The following GREB1L variants were observed in gnomAD, a reference collection of about 807,000 sequenced individuals.
The protein encoded by GREB1L is GREB1-like protein.
Under a neutral mutation model 200.8 loss-of-function variants are expected in GREB1L, and 17 were observed. The observed-to-expected ratio is 0.08, with a 90% CI of 0.06 to 0.13. The LOEUF (loss-of-function observed/expected upper bound fraction) is 0.13, where lower values mean the gene tolerates loss of function less well. Ranked by LOEUF, GREB1L falls within the 10% of genes least tolerant of loss-of-function variation. The probability of loss-of-function intolerance (pLI) is 1.00; values close to 1 mark genes in which losing one functional copy is unlikely to be tolerated. For synonymous variants in GREB1L, 789 were observed against 893.0 expected (o/e 0.88, Z 2.08); for missense variants, 1,657 against 2,367.7 (o/e 0.70, Z 6.23).
intron 17 of GREB1L, among the ~76,000 whole-genome samples, chr18:21,477,694 G>A (rs2035758290): frequency 6.6e-6 from 1 of 151,730 alleles, no homozygotes; most frequent in African/African-American, 2.4e-5. Flanking sequence ...GCTGAGGCAG[G>A]AGAATCACTT....
intron 15 of GREB1L, among the ~76,000 whole-genome samples, chr18:21,458,759 G>A (rs2050274153): frequency 1.3e-5 from 2 of 152,196 alleles, no homozygotes; most frequent in South Asian, 2.1e-4. Context: ...TTAAGTTTGC[G>A]TAACGTAGAC....
intron 1 of GREB1L, among the ~76,000 whole-genome samples, chr18:21,359,455 A>T (rs151035679): frequency 1.1e-3 from 166 of 152,352 alleles, no homozygotes; most frequent in African/African-American, 2.2e-3. Flanking sequence ...ATCTCAAAAA[A>T]AAATAAATAA....
chr18:21,522,908 C>A lies in GREB1L; in HGVS notation c.*87C>A, dbSNP rs1284598618. The A allele has an allele frequency of 2.4e-6, 3 of 1,234,600 alleles. No homozygotes were observed. Among genetic ancestry groups the A allele is most frequent in the Non-Finnish European group, 3.3e-6 (3 of 904,626 alleles). The allele number at this position is 1,234,600 out of a possible 1,614,324, so 76.5% of individuals were successfully genotyped here. ...GGATTTTTCTTTTTCCTTTAAAGTA[C>A]AATCACTGTGGAGCAAAGTGCAACA... On this transcript the variant is annotated 3_prime_UTR_variant, in exon 33 of 33. Transcript: ENST00000424526.
intron 1 of GREB1L, among the ~76,000 whole-genome samples, chr18:21,342,415 T>C (rs1277651320): frequency 6.6e-6 from 1 of 152,208 alleles, no homozygotes; most frequent in East Asian, 1.9e-4. Context: ...AAGCACCTGA[T>C]GATCTAATGA....
chr18:21,243,148 C>T (rs1484049410), intron 1 of GREB1L, among the ~76,000 whole-genome samples: 1 of 152,054 alleles, frequency 6.6e-6, no homozygotes, highest in African/African-American at 2.4e-5. Flanking sequence ...GTGAGGTGCG[C>T]CCTGGCCGGG....
intron 1 of GREB1L, among the ~76,000 whole-genome samples, chr18:21,287,940 A>G (rs944840793): frequency 6.6e-6 from 1 of 151,704 alleles, no homozygotes; most frequent in Non-Finnish European, 1.5e-5. Context: ...GATTACAGGC[A>G]TACCCTGTAA....
At chr18:21,374,605 A>G (rs564397625) in intron 2 of GREB1L, among the ~76,000 whole-genome samples, 1 of 152,310 alleles carries the variant, frequency 6.6e-6, no homozygotes, top group African/African-American at 2.4e-5. Flanking sequence ...CTTTGCTGTT[A>G]AAATCACACA....
chr18:21,479,320 A>G (rs530289199), intron 17 of GREB1L, among the ~76,000 whole-genome samples: 1 of 152,366 alleles, frequency 6.6e-6, no homozygotes. Flanking sequence ...AGAAGGACCA[A>G]TAGCCTCTGC....
intron 25 of GREB1L, among the ~76,000 whole-genome samples, chr18:21,506,470 G>A (rs993386224): frequency 6.6e-6 from 1 of 152,170 alleles, no homozygotes; most frequent in Non-Finnish European, 1.5e-5. Flanking sequence ...GGAGGGAGAG[G>A]AGGCAGCTTA....
At chr18:21,472,728 T>C (rs1598894499) in intron 15 of GREB1L, among the ~76,000 whole-genome samples, 1 of 152,200 alleles carries the variant, frequency 6.6e-6, no homozygotes, top group Non-Finnish European at 1.5e-5. Flanking sequence ...GCATGTTATA[T>C]ACAAATAGAA....
Position 21,358,238 on chromosome 18 carries a change from T to C in GREB1L, c.-119-7789T>C, listed in dbSNP as rs1185926575. Among the ~76,000 whole-genome samples, 4 of 152,308 alleles carry C rather than the reference T, an allele frequency of 2.6e-5. No individual in the cohort carries two copies. In the South Asian group the frequency reaches 8.3e-4, roughly 32 times the overall value. On this transcript the variant is annotated intron_variant, in intron 1 of 32. Coordinates refer to ENST00000424526, the MANE Select transcript of GREB1L (RefSeq NM_001142966.3). ...ATAAATAAGATTTTTTTCCATTTCT[T>C]TTTTGGATAATTTGTGGTTAGCATA... is the stretch of plus-strand genomic sequence containing the variant.
intron 1 of GREB1L, among the ~76,000 whole-genome samples, chr18:21,282,838 T>A (rs1347825416): frequency 6.6e-6 from 1 of 152,210 alleles, no homozygotes; most frequent in Non-Finnish European, 1.5e-5. Flanking sequence ...GACCTTATGA[T>A]CCTCCTGCCT....
At chr18:21,326,258 A>G (rs933524897) in intron 1 of GREB1L, among the ~76,000 whole-genome samples, 10 of 152,228 alleles carry the variant, frequency 6.6e-5, no homozygotes, top group African/African-American at 1.9e-4. Context: ...CAAAAACAAA[A>G]AAAAAGTTCA....
intron 3 of GREB1L, 64 bp downstream of exon 3, chr18:21,383,739 GTC>G: frequency 6.8e-7 from 1 of 1,468,256 alleles, no homozygotes; most frequent in Non-Finnish European, 9.3e-7. Flanking sequence ...TTGAGATGGA[GTC>G]TCCGTCTGTT....
chr18:21,435,825 G>A (rs1462428319), intron 7 of GREB1L, among the ~76,000 whole-genome samples: 4 of 152,132 alleles, frequency 2.6e-5, no homozygotes, highest in Admixed American at 6.5e-5. Context: ...CAGAGGAATG[G>A]CATGGTTTGA....
intron 1 of GREB1L, among the ~76,000 whole-genome samples, chr18:21,350,461 A>T (rs1443809926): frequency 1.3e-5 from 2 of 150,962 alleles, no homozygotes; most frequent in Non-Finnish European, 3.0e-5. Context: ...CGTGTCTTGA[A>T]CTCCTGACCT....
intron 1 of GREB1L, among the ~76,000 whole-genome samples, chr18:21,297,982 G>A (rs1293710293): frequency 1.3e-5 from 2 of 152,016 alleles, no homozygotes; most frequent in Admixed American, 1.3e-4. Context: ...TTTGGTGACT[G>A]GGCAGTGAGG....
chr18:21,402,591 G>A (rs1373388524), intron 6 of GREB1L, among the ~76,000 whole-genome samples: 1 of 150,892 alleles, frequency 6.6e-6, no homozygotes, highest in African/African-American at 2.4e-5. Context: ...GGACTGCAGT[G>A]GCTCACTGCA....
rs191620452 is a variant in GREB1L, at chr18:21,353,747, C to A, written c.-119-12280C>A. Among the ~76,000 whole-genome samples the A allele has an allele frequency of 2.6e-4, 39 of 151,882 alleles. 1 individual carries two copies. The East Asian group carries it at 7.5e-3, about 29-fold the overall frequency. ...TTATGTATAGACATTTAAATTTAAT[C>A]TTTTATTCTTTCAAATTTATTTTTA... On this transcript the variant is annotated intron_variant, in intron 1 of 32. Transcript: ENST00000424526.
Sources: allele counts gnomAD v4.1 joint callset (sites outside exome capture counted in the v4.1 genomes callset), GRCh38; gene constraint gnomAD v4.1.1; transcripts MANE v1.5; gene names NCBI Gene and HGNC (gene_info 2026-07-23, HGNC 2026-07-21).